CAMTA1: variants seen among roughly 807,000 people sequenced by gnomAD.
CAMTA1 encodes calmodulin-binding transcription activator 1.
In CAMTA1, 27 loss-of-function variants were observed where a neutral mutation model predicts 170.9. That is an observed-to-expected ratio of 0.16 (90% CI 0.12 to 0.22). CAMTA1 has a LOEUF of 0.22. Ranked by LOEUF, CAMTA1 falls within the 10% of genes least tolerant of loss-of-function variation. The pLI is 1.00. For synonymous variants in CAMTA1, 833 were observed against 891.5 expected, an observed-to-expected ratio of 0.93 and a Z score of 1.17; for missense variants, 1,619 against 2,217.2, an observed-to-expected ratio of 0.73 and a Z score of 5.42.
At position 7,091,336 on chromosome 1, in the gene CAMTA1, A is replaced by G. The variant is rs779451928; in HGVS notation, c.267A>G (p.Lys89=). Residue 89 remains lysine, a synonymous_variant, in exon 4 of 23, where the codon AAA becomes AAG. Transcript: ENST00000303635. Reference sequence around the variant, plus strand: ...CAGCTTATTTAATAACATTTGAGAAACACGAAGAATGGCTAACCACCTCCC... The same window carrying G: ...CAGCTTATTTAATAACATTTGAGAAGCACGAAGAATGGCTAACCACCTCCC... ...EIAAYLITFE[K]HEEWLTTSPK... is the part of the protein sequence containing the mutation. 2.0e-5 allele frequency: 33 copies of G among 1,613,114 alleles called. No homozygotes were observed. Among genetic ancestry groups the G allele is most frequent in the Non-Finnish European group, 5.9e-6 (7 of 1,179,130 alleles).
intron 5 of CAMTA1, among the ~76,000 whole-genome samples, chr1:7,323,472 C>A (rs1158426504): frequency 6.6e-6 from 1 of 150,964 alleles, no homozygotes; most frequent in African/African-American, 2.4e-5. Flanking sequence ...TACTCCCTAC[C>A]CCTAGCCTGG....
chr1:7,716,147 C>T (rs56260743), intron 11 of CAMTA1, among the ~76,000 whole-genome samples: 2 of 152,196 alleles, frequency 1.3e-5, no homozygotes, highest in African/African-American at 4.8e-5. Flanking sequence ...ATCCCCCCAT[C>T]TCAGCCTCCA....
intron 11 of CAMTA1, among the ~76,000 whole-genome samples, chr1:7,692,895 A>G (rs1217102093): frequency 2.6e-5 from 4 of 152,218 alleles, no homozygotes; most frequent in African/African-American, 9.7e-5. Flanking sequence ...GGGCACACGG[A>G]ACAACACAAT....
chr1:7,196,145 TAGTG>T (rs372816146), intron 4 of CAMTA1, among the ~76,000 whole-genome samples: 1 of 152,226 alleles, frequency 6.6e-6, no homozygotes, highest in African/African-American at 2.4e-5. Flanking sequence ...GTTCTCGTGA[TAGTG>T]AGTTCTCAGG....
chr1:7,323,633 C>T (rs763824289), intron 5 of CAMTA1, among the ~76,000 whole-genome samples: 1 of 151,242 alleles, frequency 6.6e-6, no homozygotes, highest in Non-Finnish European at 1.5e-5. Context: ...AACAATTCTC[C>T]TGCCTCAGCC....
At chr1:7,349,303 G>A (rs58593026) in intron 5 of CAMTA1, among the ~76,000 whole-genome samples, 1,930 of 152,270 alleles carry the variant, frequency 0.013, 19 homozygotes, top group Middle Eastern at 0.024. Context: ...ATGGGGCACC[G>A]TCCTGCCACT....
chr1:7,242,535 C>CT (rs1247537955), intron 4 of CAMTA1, among the ~76,000 whole-genome samples: 1 of 152,126 alleles, frequency 6.6e-6, no homozygotes, highest in Non-Finnish European at 1.5e-5. Context: ...ATTGAAATCT[C>CT]TGACTGTTTA....
At chr1:7,654,918 C>T (rs2095873902) in intron 7 of CAMTA1, among the ~76,000 whole-genome samples, 2 of 143,072 alleles carry the variant, frequency 1.4e-5, no homozygotes, top group Non-Finnish European at 3.0e-5. Context: ...ACAAACACAC[C>T]CATCTATACA....
Position 7,751,365 on chromosome 1 carries a change from C to A in CAMTA1, c.4856C>A (p.Thr1619Lys), listed in dbSNP as rs757682552. 2 of 1,604,636 alleles carry A rather than the reference C, an allele frequency of 1.2e-6. No homozygotes were observed. The highest frequency in any genetic ancestry group is 1.7e-6 in the Non-Finnish European group (2 of 1,176,904). ...KCGKRRQARR[T>K]AVIVQQKLRS... The stretch of plus-strand genomic sequence containing the variant: ...GGCAAAAGACGGCAGGCTCGCCGGA[C>A]GGCTGTGATTGTACAACAGAAACTC... The change falls in exon 20 of 23, where the codon ACG becomes AAG. Residue 1619 changes from threonine to lysine, a missense_variant. Thr to Lys is a moderately conservative substitution (Grantham distance 78). Coordinates refer to ENST00000303635, the MANE Select transcript of CAMTA1 (RefSeq NM_015215.4).
chr1:7,199,880 T>C (rs1656332493), intron 4 of CAMTA1, among the ~76,000 whole-genome samples: 1 of 152,218 alleles, frequency 6.6e-6, no homozygotes, highest in Non-Finnish European at 1.5e-5. Context: ...AACACAGTTA[T>C]TGCGTACCTG....
intron 3 of CAMTA1, among the ~76,000 whole-genome samples, chr1:7,011,259 C>A (rs577284969): frequency 3.9e-5 from 6 of 152,254 alleles, no homozygotes; most frequent in East Asian, 1.9e-4. Context: ...GACTGGAGGG[C>A]AATGCTGTGA....
At chr1:7,187,392 C>T (rs1201479372) in intron 4 of CAMTA1, among the ~76,000 whole-genome samples, 2 of 152,114 alleles carry the variant, frequency 1.3e-5, no homozygotes, top group African/African-American at 4.8e-5. Flanking sequence ...ATAAAATACA[C>T]ATTCTTTTAT....
intron 6 of CAMTA1, among the ~76,000 whole-genome samples, chr1:7,475,873 C>G (rs1404100802): frequency 6.6e-6 from 1 of 152,230 alleles, no homozygotes; most frequent in African/African-American, 2.4e-5. Flanking sequence ...GACGTGGTCC[C>G]TGTCCTGGGG....
intron 4 of CAMTA1, among the ~76,000 whole-genome samples, chr1:7,139,053 T>C (rs1645717410): frequency 1.4e-5 from 2 of 143,224 alleles, no homozygotes; most frequent in Admixed American, 1.4e-4. Flanking sequence ...AAATATATAT[T>C]TATATTTATT....
intron 6 of CAMTA1, among the ~76,000 whole-genome samples, chr1:7,563,436 C>A (rs1299893433): frequency 6.6e-6 from 1 of 152,216 alleles, no homozygotes; most frequent in African/African-American, 2.4e-5. Context: ...TCGGTGGGAC[C>A]TGCTAGCAGC....
chr1:6,786,131 C>T (rs1639237569), intron 1 of CAMTA1, among the ~76,000 whole-genome samples: 1 of 151,956 alleles, frequency 6.6e-6, no homozygotes, highest in African/African-American at 2.4e-5. Flanking sequence ...TCTCCGGCAC[C>T]CTCTTCAGCC....
intron 6 of CAMTA1, among the ~76,000 whole-genome samples, chr1:7,616,096 T>G (rs1253227188): frequency 6.6e-6 from 1 of 152,264 alleles, no homozygotes; most frequent in Non-Finnish European, 1.5e-5. Flanking sequence ...CAAATTTAAC[T>G]TGGATGATGA....
At chr1:7,042,507 C>A (rs768545776) in intron 3 of CAMTA1, among the ~76,000 whole-genome samples, 29 of 152,228 alleles carry the variant, frequency 1.9e-4, no homozygotes, top group Admixed American at 3.3e-4. Context: ...AACCCTTCCT[C>A]CCCCTGAGCT....
At chr1:7,212,309 G>A (rs1658921381) in intron 4 of CAMTA1, among the ~76,000 whole-genome samples, 1 of 152,046 alleles carries the variant, frequency 6.6e-6, no homozygotes, top group Non-Finnish European at 1.5e-5. Flanking sequence ...ACATTAACAT[G>A]TTTATAAAAA....
Sources: allele counts gnomAD v4.1 joint callset (sites outside exome capture counted in the v4.1 genomes callset), GRCh38; gene constraint gnomAD v4.1.1; transcripts MANE v1.5; gene names NCBI Gene and HGNC (gene_info 2026-07-23, HGNC 2026-07-21).